AMD1: variants seen among roughly 807,000 people sequenced by gnomAD.
AMD1 encodes adenosylmethionine decarboxylase 1.
A neutral mutation model predicts 40.2 loss-of-function variants in AMD1; 11 were observed. The ratio of observed to expected loss-of-function variants is 0.27; its 90% CI spans 0.17 to 0.45. The LOEUF is 0.45. Ranked by LOEUF, AMD1 falls within the 20% of genes least tolerant of loss-of-function variation. The pLI is 1.00. For missense variants in AMD1, 257 were observed against 410.2 expected, an observed-to-expected ratio of 0.63 and a Z score of 3.23; for synonymous variants, 121 against 130.8, an observed-to-expected ratio of 0.93 and a Z score of 0.51.
At chr6:110,874,414 C>G (rs1006717741), upstream of AMD1, among the ~76,000 whole-genome samples, 1 of 151,948 alleles carries the variant, frequency 6.6e-6, no homozygotes, top group African/African-American at 2.4e-5. Flanking sequence ...CCCCGCTGAA[C>G]CCCGCCAACA....
the AMD1 span, chr6:110,856,467 A>G: frequency 6.6e-6 from 1 of 152,226 alleles, no homozygotes; most frequent in Admixed American, 6.5e-5. Context: ...CAGAGAAGAT[A>G]AGCATAGTCA....
chr6:110,844,903 C>T, the AMD1 span, among the ~76,000 whole-genome samples: 2 of 152,210 alleles, frequency 1.3e-5, no homozygotes, highest in East Asian at 3.9e-4. Context: ...GTGGTGCCTG[C>T]ATCTGCTTCT....
intron 1 of AMD1, among the ~76,000 whole-genome samples, chr6:110,877,261 A>C (rs138542214): frequency 1.9e-4 from 29 of 152,398 alleles, no homozygotes; most frequent in Non-Finnish European, 3.8e-4. Context: ...AGATAAAGCA[A>C]GTTAAGCAAG....
the AMD1 span, among the ~76,000 whole-genome samples, chr6:110,837,745 A>AATATATATATATATATATAT: frequency 5.6e-4 from 10 of 17,828 alleles, no homozygotes; most frequent in Non-Finnish European, 7.7e-4. Context: ...AAAAAAAAAA[A>AATATATATATATATATATAT]ATATATATAT....
the AMD1 span, among the ~76,000 whole-genome samples, chr6:110,837,734 AAAAAAAAAAAAATATATATAT>A: frequency 1.8e-5 from 2 of 109,202 alleles, no homozygotes; most frequent in Non-Finnish European, 3.7e-5. Context: ...AAAAAAAAAA[AAAAAAAAAAAAATATATATAT>A]ATATATATAT....
intron 1 of AMD1, 81 bp downstream of exon 1, chr6:110,875,296 A>C: frequency 8.6e-7 from 1 of 1,156,304 alleles, no homozygotes; most frequent in South Asian, 1.3e-5. Flanking sequence ...GTGGAGCCCG[A>C]GTTCCCTCAG....
intron 1 of AMD1, among the ~76,000 whole-genome samples, chr6:110,879,593 GCTTTA>G (rs71694633): frequency 0.036 from 5,505 of 152,240 alleles, 126 homozygotes; most frequent in Middle Eastern, 0.071. Flanking sequence ...GGTCAGTCTA[GCTTTA>G]CTCAAGAATG....
chr6:110,830,455 C>G, the AMD1 span, among the ~76,000 whole-genome samples: 3 of 152,186 alleles, frequency 2.0e-5, no homozygotes, highest in Non-Finnish European at 4.4e-5. Flanking sequence ...AAGCATTCCT[C>G]CATAAGACAT....
the AMD1 span, chr6:110,815,261 C>T: frequency 4.8e-6 from 5 of 1,046,316 alleles, no homozygotes; most frequent in South Asian, 5.2e-5. Context: ...GCGCGCGCCG[C>T]CCGCCGCCCG....
the AMD1 span, chr6:110,858,598 G>A: frequency 1.3e-6 from 2 of 1,580,224 alleles, no homozygotes; most frequent in Admixed American, 1.7e-5. Context: ...TGACGCAGCT[G>A]CAGGTGTCTC....
In AMD1 at chr6:110,894,437, T is replaced by C. The variant is rs1019611716; in HGVS notation, c.*821T>C. Reference sequence around the variant, plus strand: ...TCTCTTTTATTGTAATGTGCTCTTTTGGAAAATAGTTGGTTAGCAGGGAAG... The same window carrying C: ...TCTCTTTTATTGTAATGTGCTCTTTCGGAAAATAGTTGGTTAGCAGGGAAG... On this transcript the variant is annotated 3_prime_UTR_variant, in exon 9 of 9. Coordinates refer to ENST00000368885, the MANE Select transcript of AMD1 (RefSeq NM_001634.6). 1.3e-5 allele frequency: 2 copies of C among 152,438 alleles called. No individual in the cohort carries two copies. Among genetic ancestry groups the C allele is most frequent in the African/African-American group, 2.4e-5 (1 of 41,460 alleles). 9.4% of individuals were successfully genotyped at this position (152,438 alleles called of 1,614,324 possible).
chr6:110,826,060 A>T, the AMD1 span, among the ~76,000 whole-genome samples: 1 of 151,560 alleles, frequency 6.6e-6, no homozygotes, highest in East Asian at 1.9e-4. Flanking sequence ...CTAGTTACTC[A>T]GGAGGCTGAG....
At chr6:110,884,858 G>C (rs1785599830) in intron 1 of AMD1, among the ~76,000 whole-genome samples, 1 of 152,146 alleles carries the variant, frequency 6.6e-6, no homozygotes, top group Non-Finnish European at 1.5e-5. Flanking sequence ...GCGTCCAGTG[G>C]GTAAAAAGGA....
the AMD1 span, among the ~76,000 whole-genome samples, chr6:110,869,460 T>C: frequency 6.8e-4 from 103 of 151,600 alleles, no homozygotes; most frequent in African/African-American, 2.2e-3. Context: ...TTCTTCTGTA[T>C]TTTGCAGTAA....
At chr6:110,835,766 G>A in the AMD1 span, among the ~76,000 whole-genome samples, 2 of 152,042 alleles carry the variant, frequency 1.3e-5, no homozygotes, top group Non-Finnish European at 2.9e-5. Context: ...TCAAGAGGCT[G>A]AGGCAGGAGA....
intron 2 of AMD1, among the ~76,000 whole-genome samples, chr6:110,887,897 G>C (rs1027988222): frequency 9.9e-5 from 15 of 152,220 alleles, no homozygotes; most frequent in Non-Finnish European, 2.2e-4. Flanking sequence ...TGTTGGCCAG[G>C]CTGGTCTTGA....
the AMD1 span, among the ~76,000 whole-genome samples, chr6:110,851,977 G>T: frequency 6.6e-6 from 1 of 151,358 alleles, no homozygotes; most frequent in Non-Finnish European, 1.5e-5. Flanking sequence ...TGCATAAATT[G>T]AATTATTTAA....
the AMD1 span, among the ~76,000 whole-genome samples, chr6:110,831,483 C>T: frequency 4.0e-5 from 6 of 151,498 alleles, no homozygotes; most frequent in Admixed American, 4.0e-4. Flanking sequence ...TTTATAGACA[C>T]AGGGTCTCAC....
At chr6:110,855,219 G>A in the AMD1 span, among the ~76,000 whole-genome samples, 1 of 151,534 alleles carries the variant, frequency 6.6e-6, no homozygotes, top group Non-Finnish European at 1.5e-5. Context: ...AGAACCTTGA[G>A]ATCAAAGAAA....
Sources: allele counts gnomAD v4.1 joint callset (sites outside exome capture counted in the v4.1 genomes callset), GRCh38; gene constraint gnomAD v4.1.1; transcripts MANE v1.5; gene names NCBI Gene and HGNC (gene_info 2026-07-23, HGNC 2026-07-21).